Variants in DNAJC8 observed in about 807,000 individuals in gnomAD.
DNAJC8 encodes the protein dnaJ homolog subfamily C member 8.
A neutral mutation model predicts 43.2 loss-of-function variants in DNAJC8; 24 were observed. The observed-to-expected ratio is 0.56, with a 90% CI of 0.40 to 0.78. DNAJC8 has a LOEUF of 0.78. DNAJC8 is among the 30% of genes least tolerant of loss of function. The pLI is 0.00. For missense variants in DNAJC8, 207 were observed against 299.4 expected (o/e 0.69, Z 2.28); for synonymous variants, 83 against 98.0 (o/e 0.85, Z 0.90).
chr1:28,224,618 C>T (rs1353362174), intron 2 of DNAJC8, among the ~76,000 whole-genome samples: 1 of 152,000 alleles, frequency 6.6e-6, no homozygotes, highest in Non-Finnish European at 1.5e-5. Flanking sequence ...TGTGGTGGCT[C>T]ACGCCTGAAA....
intron 3 of DNAJC8, among the ~76,000 whole-genome samples, chr1:28,211,185 A>G (rs1472473524): frequency 3.3e-5 from 5 of 151,988 alleles, no homozygotes; most frequent in Admixed American, 3.3e-4. Flanking sequence ...AAAAACAAAA[A>G]CAAAAACAAA....
At chr1:28,203,460 A>T (rs1374223797) in intron 8 of DNAJC8, among the ~76,000 whole-genome samples, 1 of 152,196 alleles carries the variant, frequency 6.6e-6, no homozygotes, top group Non-Finnish European at 1.5e-5. Context: ...TGCCTACTAC[A>T]ATCTAAAAAA....
intron 1 of DNAJC8, among the ~76,000 whole-genome samples, chr1:28,229,445 G>A (rs1646958744): frequency 6.6e-6 from 1 of 151,534 alleles, no homozygotes; most frequent in South Asian, 2.1e-4. Flanking sequence ...GTGCTTGTGT[G>A]TGATTATACT....
chr1:28,215,599 G>A (rs370376557), intron 2 of DNAJC8, among the ~76,000 whole-genome samples: 20 of 148,452 alleles, frequency 1.3e-4, no homozygotes, highest in South Asian at 6.5e-4. Context: ...GTGCAATGGC[G>A]AGATCTCGGC....
At chr1:28,218,097 T>C (rs1486741000) in intron 2 of DNAJC8, among the ~76,000 whole-genome samples, 1 of 147,826 alleles carries the variant, frequency 6.8e-6, no homozygotes, top group African/African-American at 2.5e-5. Context: ...TTCTATTCTT[T>C]TTTTTTTTTT....
At chr1:28,209,887 T>C (rs1646798941) in intron 5 of DNAJC8, 85 bp downstream of exon 5, 1 of 1,213,238 alleles carries the variant, frequency 8.2e-7, no homozygotes, top group East Asian at 2.4e-5. Flanking sequence ...CCAGTAGGCA[T>C]TACTATGTTC....
rs35950985 is a variant in DNAJC8, at chr1:28,212,168, A to AATAAAAATAT, written c.238-1532_238-1531insATATTTTTAT. On this transcript the variant is annotated intron_variant, in intron 3 of 8. Transcript: ENST00000263697. The stretch of plus-strand genomic sequence containing the variant: ...CGGACTCCGTCTCAATAAATAAATA[A>AATAAAAATAT]ATATATATATATATATATATATATA... Among the ~76,000 whole-genome samples, 278 of 30,988 alleles carry AATAAAAATAT rather than the reference A, an allele frequency of 9.0e-3. 10 individuals carry two copies. The highest frequency in any genetic ancestry group is 0.021 in the South Asian group (15 of 698). The allele number at this position is 30,988 out of a possible 152,430, so 20.3% of individuals were successfully genotyped here. A position where few individuals can be genotyped will look rare whatever the true frequency, so the allele number is the denominator to read the frequency against.
Position 28,209,944 on chromosome 1 carries a change from TAAACACAGCA to T in DNAJC8, c.399+18_399+27del. The T allele has an allele frequency of 6.2e-7, 1 of 1,604,966 alleles. No homozygotes were observed. The highest frequency in any genetic ancestry group is 1.1e-5 in the South Asian group (1 of 90,866). ...GCCCAAGGCTTGCTGATACTTCCTG[TAAACACAGCA>T]GCACTATAAATACTTACAGTGTGTT... On this transcript the variant is annotated intron_variant, in intron 5 of 8. Coordinates refer to ENST00000263697, the MANE Select transcript of DNAJC8 (RefSeq NM_014280.3).
Position 28,210,481 on chromosome 1 carries a change from T to G in DNAJC8, c.304+90A>C, listed in dbSNP as rs143707959. The G allele has an allele frequency of 2.5e-6, 3 of 1,188,252 alleles. No homozygotes were observed. In the East Asian group the frequency reaches 7.1e-5, roughly 28 times the overall value. The allele number at this position is 1,188,252 out of a possible 1,614,324, so 73.6% of individuals were successfully genotyped here. On this transcript the variant is annotated intron_variant, in intron 4 of 8. Coordinates refer to ENST00000263697, the MANE Select transcript of DNAJC8 (RefSeq NM_014280.3). ...CTTCTTGGTGACCAGAAGACAAAACTATAACAGTCTTTGCTTGATCTAGGA... is the reference window on the plus strand; with the variant it reads ...CTTCTTGGTGACCAGAAGACAAAACGATAACAGTCTTTGCTTGATCTAGGA...
intron 3 of DNAJC8, among the ~76,000 whole-genome samples, chr1:28,211,893 C>T (rs1254843221): frequency 6.6e-6 from 1 of 151,774 alleles, no homozygotes; most frequent in Non-Finnish European, 1.5e-5. Flanking sequence ...CAGTGGCTCC[C>T]GCCTGTAATC....
intron 3 of DNAJC8, among the ~76,000 whole-genome samples, chr1:28,212,147 C>A (rs1315903424): frequency 8.6e-6 from 1 of 115,898 alleles, no homozygotes; most frequent in African/African-American, 3.1e-5. Flanking sequence ...CAGAGCCGGA[C>A]TCCGTCTCAA....
chr1:28,228,458 T>C (rs1359647429), intron 2 of DNAJC8, among the ~76,000 whole-genome samples: 2 of 152,026 alleles, frequency 1.3e-5, no homozygotes, highest in African/African-American at 2.4e-5. Flanking sequence ...ATGAAAGATA[T>C]GTGACCATCT....
At chr1:28,232,836 G>T (rs1053962151) in intron 1 of DNAJC8, 85 bp downstream of exon 1, 5 of 1,458,382 alleles carry the variant, frequency 3.4e-6, no homozygotes, top group Non-Finnish European at 4.7e-6. Context: ...AACGGTCCAG[G>T]CCAGGCGGCC....
chr1:28,218,094 C>CTTTTT (rs34973122), intron 2 of DNAJC8, among the ~76,000 whole-genome samples: 6 of 122,350 alleles, frequency 4.9e-5, no homozygotes, highest in East Asian at 2.3e-4. Flanking sequence ...GGTTTCTATT[C>CTTTTT]TTTTTTTTTT....
At chr1:28,212,168 A>AAT (rs201782610) in intron 3 of DNAJC8, among the ~76,000 whole-genome samples, 495 of 30,828 alleles carry the variant, frequency 0.016, 10 homozygotes, top group East Asian at 0.025. Flanking sequence ...TAAATAAATA[A>AAT]ATATATATAT....
intron 2 of DNAJC8, among the ~76,000 whole-genome samples, chr1:28,225,939 A>G (rs1201108444): frequency 1.3e-5 from 2 of 150,680 alleles, no homozygotes; most frequent in African/African-American, 4.9e-5. Context: ...CCTGGCCTAA[A>G]GTGATCCTCC....
At position 28,232,966 on chromosome 1, in the gene DNAJC8, G is replaced by C. The variant is rs780827303; in HGVS notation, c.33C>G (p.Gly11=). 1 of 1,612,882 alleles carries C rather than the reference G, an allele frequency of 6.2e-7. No homozygotes were observed. The highest frequency in any genetic ancestry group is 1.7e-5 in the Admixed American group (1 of 59,994). ...ATGCTTCCTCGGTGCTGCCTCCGCC[G>C]CCTGAAGTCCCGCTCTCTCCTGAAG... MAASGESGTS[G]GGGSTEEAFM... is the part of the protein sequence containing the mutation. The change falls in exon 1 of 9, where the codon GGC becomes GGG. Residue 11 remains glycine, a synonymous_variant. Transcript: ENST00000263697.
intron 1 of DNAJC8, among the ~76,000 whole-genome samples, chr1:28,230,830 T>C (rs1310216718): frequency 1.3e-5 from 2 of 152,096 alleles, no homozygotes; most frequent in Non-Finnish European, 2.9e-5. Context: ...ATGTAATACT[T>C]TGGAGAAACT....
chr1:28,213,071 A>G (rs1429714494), intron 3 of DNAJC8, among the ~76,000 whole-genome samples: 1 of 152,206 alleles, frequency 6.6e-6, no homozygotes, highest in Non-Finnish European at 1.5e-5. Context: ...CTCATGGGAT[A>G]GACACCATTA....
Sources: allele counts gnomAD v4.1 joint callset (sites outside exome capture counted in the v4.1 genomes callset), GRCh38; gene constraint gnomAD v4.1.1; transcripts MANE v1.5; gene names NCBI Gene and HGNC (gene_info 2026-07-23, HGNC 2026-07-21).